Variants in CRPPA observed in about 807,000 individuals in gnomAD.
CRPPA encodes CDP-L-ribitol pyrophosphorylase A, also known as D-ribitol-5-phosphate cytidylyltransferase.
Under a neutral mutation model 52.0 loss-of-function variants are expected in CRPPA, and 43 were observed. That is an observed-to-expected ratio of 0.83 (90% CI 0.65 to 1.07). The LOEUF (loss-of-function observed/expected upper bound fraction) is 1.07. CRPPA is among the 50% of genes least tolerant of loss of function. The probability of loss-of-function intolerance (pLI) is 0.00; values close to 1 mark genes in which losing one functional copy is unlikely to be tolerated. For synonymous variants in CRPPA, 250 were observed against 203.5 expected, an observed-to-expected ratio of 1.23 and a Z score of -1.94; for missense variants, 629 against 551.7, an observed-to-expected ratio of 1.14 and a Z score of -1.40.
chr7:16,376,255 A>G lies in CRPPA; in HGVS notation c.535-14T>C. On this transcript the variant is annotated splice_polypyrimidine_tract_variant and intron_variant, in intron 2 of 9. Transcript: ENST00000407010. ...GGCTCCTGCTGCCTGAAGAACAAAG[A>G]GGCAAAGAATATATTTCACCTACAA... The G allele has an allele frequency of 1.9e-6, 3 of 1,588,602 alleles. No homozygotes were observed. In the South Asian group the frequency reaches 3.5e-5, roughly 18 times the overall value.
intron 3 of CRPPA, among the ~76,000 whole-genome samples, chr7:16,341,793 G>A (rs961255992): frequency 2.0e-5 from 3 of 152,170 alleles, no homozygotes; most frequent in African/African-American, 7.2e-5. Flanking sequence ...CCATGTAACA[G>A]TCTGGGAAGT....
intron 2 of CRPPA, among the ~76,000 whole-genome samples, chr7:16,397,629 T>C (rs1159242287): frequency 6.6e-6 from 1 of 151,968 alleles, no homozygotes; most frequent in Non-Finnish European, 1.5e-5. Context: ...GACCAACACG[T>C]GTGTGACACG....
intron 3 of CRPPA, among the ~76,000 whole-genome samples, chr7:16,370,819 G>A (rs1169473492): frequency 6.6e-6 from 1 of 152,098 alleles, no homozygotes; most frequent in Non-Finnish European, 1.5e-5. Context: ...AGACACAGCT[G>A]AGGCTTCTCC....
chr7:16,332,232 G>A (rs1263920078), intron 3 of CRPPA, among the ~76,000 whole-genome samples: 9 of 152,054 alleles, frequency 5.9e-5, no homozygotes, highest in African/African-American at 2.2e-4. Flanking sequence ...AGGGAAGGAG[G>A]AATAAACATC....
chr7:16,105,069 G>A (rs902831385), intron 9 of CRPPA, among the ~76,000 whole-genome samples: 3 of 152,214 alleles, frequency 2.0e-5, no homozygotes, highest in African/African-American at 7.2e-5. Context: ...AAATATAAGG[G>A]AATCCTGGAG....
At chr7:16,164,485 C>T (rs1781003773) in intron 9 of CRPPA, among the ~76,000 whole-genome samples, 1 of 152,088 alleles carries the variant, frequency 6.6e-6, no homozygotes, top group Non-Finnish European at 1.5e-5. Context: ...AGTTTATTAC[C>T]CACCTTCTGA....
intron 3 of CRPPA, among the ~76,000 whole-genome samples, chr7:16,328,127 G>A (rs78366548): frequency 0.01 from 1,595 of 152,046 alleles, 35 homozygotes; most frequent in African/African-American, 0.037. Context: ...CATTTATTAC[G>A]GAATCTTTAG....
chr7:16,362,551 T>C (rs1003036931), intron 3 of CRPPA, among the ~76,000 whole-genome samples: 14 of 152,154 alleles, frequency 9.2e-5, no homozygotes, highest in African/African-American at 2.2e-4. Context: ...ATACAAACCA[T>C]AGCAGTCAGA....
chr7:16,230,333 T>G (rs978882482), intron 8 of CRPPA, among the ~76,000 whole-genome samples: 6 of 152,146 alleles, frequency 3.9e-5, no homozygotes, highest in Non-Finnish European at 8.8e-5. Flanking sequence ...CTTCTTCTAT[T>G]TATTTCAAAA....
At chr7:16,313,005 A>G (rs963184495) in intron 3 of CRPPA, among the ~76,000 whole-genome samples, 1 of 151,966 alleles carries the variant, frequency 6.6e-6, no homozygotes, top group South Asian at 2.1e-4. Context: ...CATCTCTACA[A>G]TGATGAGAGA....
intron 8 of CRPPA, among the ~76,000 whole-genome samples, chr7:16,241,446 A>C (rs1464700283): frequency 6.6e-6 from 1 of 152,124 alleles, no homozygotes; most frequent in Admixed American, 6.6e-5. Flanking sequence ...AGAAAAGCAA[A>C]GCTCTCATGT....
chr7:16,235,726 G>A lies in CRPPA; in HGVS notation c.1120-19529C>T, dbSNP rs190033945. Among the ~76,000 whole-genome samples the A allele has an allele frequency of 5.9e-5, 9 of 152,208 alleles. No homozygotes were observed. The East Asian group carries it at 1.7e-3, about 29-fold the overall frequency. On this transcript the variant is annotated intron_variant, in intron 8 of 9. Transcript: ENST00000407010. The stretch of plus-strand genomic sequence containing the variant: ...AGGGCTTGAGTTACTTCTTTAAAAT[G>A]AGAGCATTCTACTAAATGATTTTCA...
At chr7:16,343,540 T>A (rs1216218962) in intron 3 of CRPPA, among the ~76,000 whole-genome samples, 2 of 151,562 alleles carry the variant, frequency 1.3e-5, no homozygotes, top group African/African-American at 2.4e-5. Flanking sequence ...ATGTTTTTAG[T>A]TGATCTGACT....
chr7:16,269,577 C>G (rs115267306), intron 6 of CRPPA: 2 of 152,006 alleles, frequency 1.3e-5, no homozygotes, highest in African/African-American at 4.8e-5. Flanking sequence ...ACAGTGCCAA[C>G]GTAAGAGAGA....
intron 2 of CRPPA, among the ~76,000 whole-genome samples, chr7:16,396,502 C>G (rs1262274699): frequency 1.3e-5 from 2 of 152,150 alleles, no homozygotes; most frequent in Non-Finnish European, 2.9e-5. Flanking sequence ...CTACAGAAAA[C>G]AGTGTGGTGA....
intron 3 of CRPPA, among the ~76,000 whole-genome samples, chr7:16,367,771 C>T (rs979884718): frequency 1.2e-4 from 18 of 152,086 alleles, no homozygotes; most frequent in Non-Finnish European, 2.2e-4. Context: ...AGATAAGCGA[C>T]GGGAATCTTT....
chr7:16,129,473 C>A (rs1782642561), intron 9 of CRPPA, among the ~76,000 whole-genome samples: 1 of 152,014 alleles, frequency 6.6e-6, no homozygotes, highest in Non-Finnish European at 1.5e-5. Context: ...CCATCTTAGG[C>A]TCTCATTGTC....
chr7:16,099,245 C>T (rs1397433396), intron 9 of CRPPA, among the ~76,000 whole-genome samples: 6 of 149,228 alleles, frequency 4.0e-5, no homozygotes, highest in Non-Finnish European at 8.9e-5. Flanking sequence ...AGAGCAAGAC[C>T]CTATCTCTTT....
At position 16,228,404 on chromosome 7, in the gene CRPPA, G is replaced by A. The variant is rs372240607; in HGVS notation, c.1120-12207C>T. Among the ~76,000 whole-genome samples the A allele has an allele frequency of 4.6e-5, 7 of 151,970 alleles. No individual in the cohort carries two copies. The East Asian group carries it at 7.7e-4, about 17-fold the overall frequency. On this transcript the variant is annotated intron_variant, in intron 8 of 9. Coordinates refer to ENST00000407010, the MANE Select transcript of CRPPA (RefSeq NM_001101426.4). The stretch of plus-strand genomic sequence containing the variant: ...CCTTCAAGTGAAAAGTAGGTGAAAT[G>A]AAATATTTCTTCATTTTTGATGTAG...
Sources: gnomAD v4.1 joint callset for allele counts (sites outside exome capture counted in the v4.1 genomes callset) on GRCh38, gnomAD v4.1.1 for gene constraint, MANE v1.5 for transcripts, NCBI Gene and HGNC (gene_info 2026-07-23, HGNC 2026-07-21) for gene names.